SSH2: variants seen among roughly 807,000 people sequenced by gnomAD.
SSH2 encodes protein phosphatase Slingshot homolog 2.
A neutral mutation model predicts 135.2 loss-of-function variants in SSH2; 37 were observed. The ratio of observed to expected loss-of-function variants is 0.27; its 90% CI spans 0.21 to 0.36. The LOEUF (loss-of-function observed/expected upper bound fraction) is 0.36. Among genes scored for constraint, SSH2 ranks in the 10% least tolerant of loss-of-function variants. SSH2 has a pLI of 1.00. For synonymous variants in SSH2, 628 were observed against 646.2 expected (o/e 0.97, Z 0.43); for missense variants, 1,408 against 1,765.3 (o/e 0.80, Z 3.63).
At chr17:29,702,376 C>T (rs1407828020) in intron 4 of SSH2, among the ~76,000 whole-genome samples, 4 of 150,132 alleles carry the variant, frequency 2.7e-5, no homozygotes, top group Admixed American at 2.0e-4. Flanking sequence ...CAACCCTGGC[C>T]GGGCGTGGTG....
rs563437774 is a variant in SSH2 at position 29,790,790 on chromosome 17, G to A, written c.188+3104C>T. On this transcript the variant is annotated intron_variant, in intron 3 of 15. Transcript: ENST00000540801. Reference sequence around the variant, plus strand: ...ATTGCCCAGGCTGGATTGCAGTGGCGCAATCTCAGCTCACTGCAACCTCTG... The same window carrying A: ...ATTGCCCAGGCTGGATTGCAGTGGCACAATCTCAGCTCACTGCAACCTCTG... 3.4e-4 allele frequency among the ~76,000 whole-genome samples: 50 copies of A among 147,140 alleles called. No individual in the cohort carries two copies. The East Asian group carries it at 7.3e-3, about 22-fold the overall frequency.
intron 2 of SSH2, among the ~76,000 whole-genome samples, chr17:29,803,598 G>C (rs900680249): frequency 5.9e-5 from 9 of 152,128 alleles, no homozygotes; most frequent in Non-Finnish European, 4.4e-5. Flanking sequence ...CAGATTCAAG[G>C]AATCTGTGAG....
intron 3 of SSH2, among the ~76,000 whole-genome samples, chr17:29,767,675 G>A (rs2041480267): frequency 6.6e-6 from 1 of 151,308 alleles, no homozygotes; most frequent in South Asian, 2.1e-4. Context: ...TATTCTACTT[G>A]CATTTCCCCC....
intron 1 of SSH2, among the ~76,000 whole-genome samples, chr17:29,921,368 C>T (rs1471431130): frequency 6.6e-6 from 1 of 152,196 alleles, no homozygotes; most frequent in South Asian, 2.1e-4. Flanking sequence ...TGAGACTACA[C>T]TTAAACATTT....
At chr17:29,722,027 A>G (rs1164108092) in intron 3 of SSH2, among the ~76,000 whole-genome samples, 1 of 152,214 alleles carries the variant, frequency 6.6e-6, no homozygotes, top group Non-Finnish European at 1.5e-5. Flanking sequence ...CTGTAATCCC[A>G]GCACTTTGGG....
intron 11 of SSH2, among the ~76,000 whole-genome samples, chr17:29,657,067 A>T (rs1334777650): frequency 4.6e-5 from 7 of 152,156 alleles, no homozygotes; most frequent in African/African-American, 1.7e-4. Context: ...CCAGGGTTCA[A>T]GTGACTCTCC....
intron 3 of SSH2, among the ~76,000 whole-genome samples, chr17:29,755,878 G>T (rs1244779021): frequency 6.7e-6 from 1 of 150,256 alleles, no homozygotes; most frequent in African/African-American, 2.4e-5. Flanking sequence ...AGCCAGGACG[G>T]TCTCGATCTC....
chr17:29,648,440 C>T (rs1346886722), intron 13 of SSH2, 96 bp from the exon 14 acceptor site: 36 of 974,128 alleles, frequency 3.7e-5, no homozygotes, highest in East Asian at 8.0e-5. Context: ...TCCTGTCCTG[C>T]TCTTCCATTT....
intron 1 of SSH2, chr17:29,856,367 CT>C (rs2065662846): frequency 4.8e-6 from 1 of 208,220 alleles, no homozygotes; most frequent in African/African-American, 2.4e-5. Context: ...CAACAAGATA[CT>C]GTATGGTTGA....
At chr17:29,778,482 A>G (rs1459009816) in intron 3 of SSH2, among the ~76,000 whole-genome samples, 1 of 151,974 alleles carries the variant, frequency 6.6e-6, no homozygotes, top group Non-Finnish European at 1.5e-5. Flanking sequence ...TCTACTAAAA[A>G]TACAAAAATC....
intron 2 of SSH2, among the ~76,000 whole-genome samples, chr17:29,814,327 G>A (rs887141773): frequency 6.7e-6 from 1 of 149,726 alleles, no homozygotes; most frequent in Non-Finnish European, 1.5e-5. Context: ...CAGCTACTCG[G>A]GAGGCTGAGG....
intron 11 of SSH2, among the ~76,000 whole-genome samples, chr17:29,664,337 C>T (rs957220776): frequency 6.7e-6 from 1 of 148,798 alleles, no homozygotes; most frequent in African/African-American, 2.5e-5. Flanking sequence ...CATGCCATTG[C>T]ACTCCAGCCT....
chr17:29,830,482 G>A (rs777170897), intron 2 of SSH2, among the ~76,000 whole-genome samples: 23 of 152,088 alleles, frequency 1.5e-4, no homozygotes, highest in Non-Finnish European at 3.1e-4. Context: ...TATACTTTCC[G>A]ATTTGCAGAA....
At chr17:29,832,364 C>A (rs1430688794) in intron 2 of SSH2, among the ~76,000 whole-genome samples, 1 of 151,924 alleles carries the variant, frequency 6.6e-6, no homozygotes, top group African/African-American at 2.4e-5. Flanking sequence ...AGTCCTGCAC[C>A]CAAGTGATCC....
Position 29,791,851 on chromosome 17 carries a change from G to A in SSH2, c.188+2043C>T, listed in dbSNP as rs1422205753. 9.3e-5 allele frequency among the ~76,000 whole-genome samples: 14 copies of A among 151,116 alleles called. 1 individual carries two copies. In the East Asian group the frequency reaches 2.7e-3, roughly 29 times the overall value. The stretch of plus-strand genomic sequence containing the variant: ...TAGAAGAAGCCTGCAAAAACCCTCT[G>A]CTGGTCAAAGTGACAAAGTATTGCC... On this transcript the variant is annotated intron_variant, in intron 3 of 15. Transcript: ENST00000540801.
intron 9 of SSH2, among the ~76,000 whole-genome samples, chr17:29,667,720 C>T (rs2037336419): frequency 6.6e-6 from 1 of 152,152 alleles, no homozygotes; most frequent in African/African-American, 2.4e-5. Flanking sequence ...CTTTTAATGA[C>T]AACTCTCACA....
chr17:29,696,258 AT>A (rs1177638947), intron 4 of SSH2, among the ~76,000 whole-genome samples: 1 of 150,108 alleles, frequency 6.7e-6, no homozygotes, highest in Non-Finnish European at 1.5e-5. Context: ...GTCTCAAAAA[AT>A]ATATATATAC....
intron 2 of SSH2, among the ~76,000 whole-genome samples, chr17:29,847,148 A>G (rs2043145117): frequency 6.6e-6 from 1 of 152,176 alleles, no homozygotes; most frequent in African/African-American, 2.4e-5. Context: ...CTCATAAAAT[A>G]GGGGGGAAAA....
At chr17:29,927,381 C>T (rs1360261271) in intron 1 of SSH2, among the ~76,000 whole-genome samples, 1 of 152,140 alleles carries the variant, frequency 6.6e-6, no homozygotes, top group African/African-American at 2.4e-5. Flanking sequence ...TTAGTATCTA[C>T]AATGGTCACT....
Sources: allele counts gnomAD v4.1 joint callset (sites outside exome capture counted in the v4.1 genomes callset), GRCh38; gene constraint gnomAD v4.1.1; transcripts MANE v1.5; gene names NCBI Gene and HGNC (gene_info 2026-07-23, HGNC 2026-07-21).